ETS1: variants seen among roughly 807,000 people sequenced by gnomAD.
The protein encoded by ETS1 is ETS proto-oncogene 1, transcription factor.
A neutral mutation model predicts 58.6 loss-of-function variants in ETS1; 15 were observed. The ratio of observed to expected loss-of-function variants is 0.26; its 90% confidence interval spans 0.17 to 0.39. The LOEUF (loss-of-function observed/expected upper bound fraction) is 0.39. ETS1 is among the 10% of genes least tolerant of loss of function. The pLI is 1.00. For missense variants in ETS1, 417 were observed against 610.5 expected (o/e 0.68, Z 3.34); for synonymous variants, 214 against 218.2 (o/e 0.98, Z 0.17).
Position 128,556,443 on chromosome 11 carries a change from A to C in ETS1, c.70-8T>G, listed in dbSNP as rs1327758448. 2 of 1,573,126 alleles carry C rather than the reference A, an allele frequency of 1.3e-6. No homozygotes were observed. The highest frequency in any genetic ancestry group is 8.6e-7 in the Non-Finnish European group (1 of 1,160,946). On this transcript the variant is annotated splice_region_variant and splice_polypyrimidine_tract_variant and intron_variant, in intron 2 of 9. Coordinates refer to ENST00000392668, the MANE Select transcript of ETS1 (RefSeq NM_001143820.2). The stretch of plus-strand genomic sequence containing the variant: ...GTTGCTAGGTCCTTGCCTCTGTGCA[A>C]GAAAAAATAGAAGAAAATATATTAG...
At chr11:128,516,215 A>C (rs1191412089) in intron 3 of ETS1, among the ~76,000 whole-genome samples, 2 of 152,274 alleles carry the variant, frequency 1.3e-5, no homozygotes, top group East Asian at 3.8e-4. Flanking sequence ...GAAGTTTTGA[A>C]AAAGATATCA....
At position 128,549,077 on chromosome 11, in the gene ETS1, G is replaced by GGGCTGAGACCCCT. The variant is rs991136150; in HGVS notation, c.214+7201_214+7213dup. 5.3e-5 allele frequency among the ~76,000 whole-genome samples: 8 copies of GGGCTGAGACCCCT among 152,190 alleles called. No individual in the cohort carries two copies. The highest frequency in any genetic ancestry group is 1.2e-4 in the Non-Finnish European group (8 of 68,028). On this transcript the variant is annotated intron_variant, in intron 3 of 9. Transcript: ENST00000392668. The surrounding 1 kb of genome is among the most constrained non-coding windows in gnomAD (Gnocchi z 4.3). ...GCCGCCTCCTCCAGCTGCAGGCTCC[G>GGGCTGAGACCCCT]GGCTGAGACCCCTGGCTGCAGTGCA...
intron 8 of ETS1, among the ~76,000 whole-genome samples, chr11:128,474,154 C>T (rs1212908598): frequency 6.6e-6 from 1 of 152,200 alleles, no homozygotes; most frequent in African/African-American, 2.4e-5. Context: ...GGGGTCAACC[C>T]GTGAGTCTCC....
chr11:128,482,749 A>G (rs1261308650), intron 7 of ETS1, among the ~76,000 whole-genome samples: 1 of 152,182 alleles, frequency 6.6e-6, no homozygotes, highest in Non-Finnish European at 1.5e-5. Context: ...GCGCTCATGT[A>G]GGGAAACCTG....
chr11:128,503,175 C>A (rs1555079310), intron 3 of ETS1, among the ~76,000 whole-genome samples: 1 of 151,986 alleles, frequency 6.6e-6, no homozygotes, highest in Non-Finnish European at 1.5e-5. Flanking sequence ...GATTTTTTTT[C>A]TCTTTTTCCT....
chr11:128,516,532 G>A (rs1387144767), intron 3 of ETS1, among the ~76,000 whole-genome samples: 2 of 152,116 alleles, frequency 1.3e-5, no homozygotes, highest in African/African-American at 4.8e-5. Flanking sequence ...AACTCTTCGG[G>A]AAAATGCTCC....
At chr11:128,493,566 G>T (rs1342543346) in intron 3 of ETS1, among the ~76,000 whole-genome samples, 1 of 152,198 alleles carries the variant, frequency 6.6e-6, no homozygotes, top group Non-Finnish European at 1.5e-5. Context: ...CCCAGCTGGG[G>T]GAAACCATCC....
intron 3 of ETS1, among the ~76,000 whole-genome samples, chr11:128,546,471 A>T (rs1158179582): frequency 6.6e-6 from 1 of 152,176 alleles, no homozygotes; most frequent in African/African-American, 2.4e-5. Flanking sequence ...CCTGATATAA[A>T]ATGGTGTAGT....
chr11:128,566,885 A>T (rs1349073073), intron 2 of ETS1, among the ~76,000 whole-genome samples: 1 of 152,066 alleles, frequency 6.6e-6, no homozygotes, highest in Non-Finnish European at 1.5e-5. Context: ...GCTGGGACCC[A>T]TTCCACAGCT....
intron 8 of ETS1, among the ~76,000 whole-genome samples, chr11:128,472,793 C>T (rs888398042): frequency 6.6e-6 from 1 of 152,184 alleles, no homozygotes; most frequent in Non-Finnish European, 1.5e-5. Flanking sequence ...CCCAAATCTC[C>T]TCCTTCCAGA....
At chr11:128,576,661 G>A (rs1185806998) in intron 1 of ETS1, among the ~76,000 whole-genome samples, 1 of 152,058 alleles carries the variant, frequency 6.6e-6, no homozygotes, top group African/African-American at 2.4e-5. Flanking sequence ...GCCCTGCTCT[G>A]GACTGTGGCT....
chr11:128,569,909 A>G (rs1261978255), intron 2 of ETS1, among the ~76,000 whole-genome samples: 1 of 152,190 alleles, frequency 6.6e-6, no homozygotes, highest in African/African-American at 2.4e-5. Flanking sequence ...CTTTTTAGTG[A>G]AAAGGATCTC....
At chr11:128,529,143 A>T (rs1236053085) in intron 3 of ETS1, 1 of 152,224 alleles carries the variant, frequency 6.6e-6, no homozygotes, top group Non-Finnish European at 1.5e-5. Context: ...ACATGAAATG[A>T]ACTCAATTTC....
At chr11:128,471,270 C>T (rs1862181115) in intron 8 of ETS1, among the ~76,000 whole-genome samples, 1 of 152,210 alleles carries the variant, frequency 6.6e-6, no homozygotes, top group Non-Finnish European at 1.5e-5. Flanking sequence ...AGTCCTCCCA[C>T]CTGGAACAGG....
At chr11:128,544,549 C>T (rs544163611) in intron 3 of ETS1, among the ~76,000 whole-genome samples, 1 of 151,908 alleles carries the variant, frequency 6.6e-6, no homozygotes, top group Non-Finnish European at 1.5e-5. Flanking sequence ...CAAGGCTCTC[C>T]CTCTCCCCGT....
intron 3 of ETS1, among the ~76,000 whole-genome samples, 176 bp from the exon 4 acceptor site, chr11:128,490,752 T>C (rs1862775890): frequency 7.1e-6 from 1 of 141,174 alleles, no homozygotes; most frequent in African/African-American, 2.6e-5. Flanking sequence ...GGAGTCTTGC[T>C]CTGTCACCCA....
intron 3 of ETS1, chr11:128,521,845 A>G: frequency 7.7e-7 from 1 of 1,292,978 alleles, no homozygotes. Flanking sequence ...CGAAAGGGGG[A>G]AGAAGTCCAG....
intron 3 of ETS1, among the ~76,000 whole-genome samples, chr11:128,525,089 T>C (rs182470527): frequency 1.3e-5 from 2 of 152,312 alleles, no homozygotes; most frequent in East Asian, 3.9e-4. Context: ...CAGCAGTCTG[T>C]TCCTCCTGCA....
chr11:128,534,907 T>A (rs1005644739), intron 3 of ETS1, among the ~76,000 whole-genome samples: 2 of 152,238 alleles, frequency 1.3e-5, no homozygotes, highest in Non-Finnish European at 2.9e-5. Flanking sequence ...GTTATCTTTA[T>A]AATAGAATGA....
Sources: gnomAD v4.1 joint callset for allele counts (sites outside exome capture counted in the v4.1 genomes callset) on GRCh38, gnomAD v4.1.1 for gene constraint, Gnocchi (gnomAD v3.1) non-coding constraint, MANE v1.5 for transcripts, NCBI Gene and HGNC (gene_info 2026-07-23, HGNC 2026-07-21) for gene names.